MYO18B: variants seen among roughly 807,000 people sequenced by gnomAD.
MYO18B encodes the protein unconventional myosin-XVIIIb.
In MYO18B, 204 loss-of-function variants were observed where a neutral mutation model predicts 273.0. That is an observed-to-expected ratio of 0.75 (90% CI 0.67 to 0.84). The LOEUF (loss-of-function observed/expected upper bound fraction) is 0.84, where lower values mean the gene tolerates loss of function less well. Ranked by LOEUF, MYO18B falls within the 40% of genes least tolerant of loss-of-function variation. The pLI, the probability that MYO18B is intolerant of heterozygous loss-of-function variation, is 0.00. For synonymous variants in MYO18B, 1,330 were observed against 1,305.7 expected (o/e 1.02, Z -0.40); for missense variants, 3,212 against 3,287.6 (o/e 0.98, Z 0.56).
In MYO18B at chr22:25,758,296, G is replaced by A. The variant is rs185421674; in HGVS notation, c.-109-2688G>A. 3.0e-3 allele frequency among the ~76,000 whole-genome samples: 444 copies of A among 150,176 alleles called. 2 individuals are homozygous for A. The highest frequency in any genetic ancestry group is 0.028 in the Middle Eastern group (8 of 284). Reference sequence around the variant, plus strand: ...CAAAAGGTTGGGATTACAGATGTGAGCCACCACAACTGGCAGGAAAGTTTT... The same window carrying A: ...CAAAAGGTTGGGATTACAGATGTGAACCACCACAACTGGCAGGAAAGTTTT... On this transcript the variant is annotated intron_variant, in intron 1 of 43. Coordinates refer to ENST00000335473, the MANE Select transcript of MYO18B (RefSeq NM_032608.7).
In MYO18B at chr22:25,768,342, C is replaced by G; in HGVS notation, c.426C>G (p.Val142=). The G allele has an allele frequency of 6.2e-7, 1 of 1,613,688 alleles. No individual in the cohort carries two copies. Among genetic ancestry groups the G allele is most frequent in the Non-Finnish European group, 8.5e-7 (1 of 1,179,748 alleles). ...GTGCGACACCAACCAAAAAGACTGT[C>G]CCCTTCAAGAGGGGCGTGAGGAGGG... The part of the protein sequence containing the change: ...GSSATPTKKT[V]PFKRGVRRGD... Residue 142 remains valine, a synonymous_variant, in exon 4 of 44, where the codon GTC becomes GTG. Coordinates refer to ENST00000335473, the MANE Select transcript of MYO18B (RefSeq NM_032608.7).
intron 40 of MYO18B, among the ~76,000 whole-genome samples, chr22:25,997,305 C>A (rs4049335): frequency 0.7 from 9,667 of 13,752 alleles, 3,213 homozygotes; most frequent in East Asian, 0.93. Context: ...ACTCTGTCGC[C>A]AAAAAAAAAA....
Position 25,772,476 on chromosome 22 carries a change from A to G in MYO18B, c.1835A>G (p.Gln612Arg). Reference protein sequence around the residue: ...TCTGPDLIVLQPRGPSVPSAG... With the variant: ...TCTGPDLIVLRPRGPSVPSAG... ...ACAGGGCCTGATCTGATTGTCCTCC[A>G]GCCCCGGGGGCCCTCGGTGCCTTCT... Residue 612 changes from glutamine (Q) to arginine (R), a missense_variant, in exon 7 of 44, where the codon CAG becomes CGG. Physicochemically the swap from Gln to Arg is conservative, Grantham distance 43. Transcript: ENST00000335473. 6.2e-7 allele frequency: 1 copy of G among 1,613,898 alleles called. No homozygotes were observed. The highest frequency in any genetic ancestry group is 8.5e-7 in the Non-Finnish European group (1 of 1,179,894).
chr22:25,797,151 C>T (rs1020367607), intron 11 of MYO18B, among the ~76,000 whole-genome samples: 45 of 152,246 alleles, frequency 3.0e-4, no homozygotes, highest in African/African-American at 9.4e-4. Flanking sequence ...CGCTTGAGCC[C>T]GGGGGCGCGG....
intron 39 of MYO18B, among the ~76,000 whole-genome samples, chr22:25,979,402 T>C (rs891964669): frequency 3.9e-5 from 6 of 152,158 alleles, no homozygotes; most frequent in Admixed American, 2.6e-4. Context: ...ATATGTCATA[T>C]TTGTGTTTGA....
the MYO18B span, among the ~76,000 whole-genome samples, chr22:26,046,592 C>G: frequency 6.6e-6 from 1 of 152,206 alleles, no homozygotes; most frequent in Non-Finnish European, 1.5e-5. Context: ...AGAGCACCAG[C>G]ATTTCTTGCT....
intron 42 of MYO18B, among the ~76,000 whole-genome samples, chr22:26,007,777 G>A (rs1424625934): frequency 6.6e-6 from 1 of 152,166 alleles, no homozygotes. Context: ...AACTGACACA[G>A]AGTACAGGTG....
chr22:26,045,219 T>C, the MYO18B span, among the ~76,000 whole-genome samples: 2 of 152,056 alleles, frequency 1.3e-5, no homozygotes, highest in African/African-American at 4.8e-5. Flanking sequence ...TGCTGGTTCA[T>C]GGGAGTCACC....
downstream of MYO18B, among the ~76,000 whole-genome samples, chr22:26,034,697 GCTT>G (rs1442262177): frequency 6.6e-6 from 1 of 152,164 alleles, no homozygotes; most frequent in Non-Finnish European, 1.5e-5. Flanking sequence ...GTTTCCTCTT[GCTT>G]TTATACCCTG....
intron 1 of MYO18B, among the ~76,000 whole-genome samples, chr22:25,745,163 G>A (rs1190604746): frequency 6.6e-6 from 1 of 152,124 alleles, no homozygotes; most frequent in African/African-American, 2.4e-5. Context: ...AGGCTGGTGT[G>A]CAGTGGCCCA....
At position 25,866,784 on chromosome 22, in the gene MYO18B, C is replaced by CAA. The variant is rs56260207; in HGVS notation, c.3886-1510_3886-1509dup. On this transcript the variant is annotated intron_variant, in intron 21 of 43. Coordinates refer to ENST00000335473, the MANE Select transcript of MYO18B (RefSeq NM_032608.7). ...CTGGTGACAGAGCGAGACTCCGTCT[C>CAA]AAAAAAAAAAAAAAAAAAAAAAAAA... is the stretch of plus-strand genomic sequence containing the variant. 1.8e-3 allele frequency among the ~76,000 whole-genome samples: 72 copies of CAA among 40,152 alleles called. 4 individuals carry two copies. The highest frequency in any genetic ancestry group is 2.7e-3 in the Non-Finnish European group (47 of 17,418). The allele number at this position is 40,152 out of a possible 152,430, so 26.3% of individuals were successfully genotyped here. A position where few individuals can be genotyped will look rare whatever the true frequency, so the allele number is the denominator to read the frequency against.
In MYO18B at chr22:25,811,087, C is replaced by T. The variant is rs1217098062; in HGVS notation, c.2522-12418C>T. 2.0e-5 allele frequency among the ~76,000 whole-genome samples: 3 copies of T among 149,146 alleles called. No homozygotes were observed. In the East Asian group the frequency reaches 6.0e-4, roughly 30 times the overall value. ...GGAGTGCAGTGGTGTGATCTCGGCT[C>T]ACTGCAACCTCTGCCTCCCGGGTTC... On this transcript the variant is annotated intron_variant, in intron 12 of 43. Coordinates refer to ENST00000335473, the MANE Select transcript of MYO18B (RefSeq NM_032608.7).
At chr22:25,799,014 T>A (rs968248214) in intron 12 of MYO18B, among the ~76,000 whole-genome samples, 4 of 152,126 alleles carry the variant, frequency 2.6e-5, no homozygotes, top group African/African-American at 9.7e-5. Context: ...GCCATCCCCC[T>A]AGTTCTTACC....
chr22:25,789,853 A>G (rs1820578666), intron 11 of MYO18B, among the ~76,000 whole-genome samples: 1 of 152,084 alleles, frequency 6.6e-6, no homozygotes, highest in Non-Finnish European at 1.5e-5. Context: ...AACAAACTGT[A>G]TATCATTAAA....
chr22:25,942,577 C>G (rs1035226818), intron 34 of MYO18B, among the ~76,000 whole-genome samples: 1 of 152,242 alleles, frequency 6.6e-6, no homozygotes, highest in Admixed American at 6.5e-5. Flanking sequence ...AGCAAGCAGG[C>G]TCTCCACAGA....
At chr22:25,749,051 C>T (rs556352936) in intron 1 of MYO18B, among the ~76,000 whole-genome samples, 2 of 152,330 alleles carry the variant, frequency 1.3e-5, no homozygotes, top group South Asian at 2.1e-4. Flanking sequence ...ACAATCAGAG[C>T]ACCCTTCTTC....
intron 39 of MYO18B, among the ~76,000 whole-genome samples, chr22:25,991,639 AC>A (rs1312278657): frequency 6.6e-6 from 1 of 152,214 alleles, no homozygotes; most frequent in African/African-American, 2.4e-5. Context: ...CGTCAGAGGC[AC>A]CGAGCTTGAG....
chr22:25,876,706 C>A lies in MYO18B; in HGVS notation c.4224+374C>A, dbSNP rs62224732. Reference sequence around the variant, plus strand: ...TTTTTCTTTCATTCTTCCCTGTCACCACCTATCTTTTATAACTGTTTCAAT... The same window carrying A: ...TTTTTCTTTCATTCTTCCCTGTCACAACCTATCTTTTATAACTGTTTCAAT... On this transcript the variant is annotated intron_variant, in intron 24 of 43. Transcript: ENST00000335473. 235 of 155,890 alleles carry A rather than the reference C, an allele frequency of 1.5e-3. 1 individual carries two copies. Among genetic ancestry groups the A allele is most frequent in the Non-Finnish European group, 2.5e-3 (175 of 70,728 alleles). 9.7% of individuals were successfully genotyped at this position (155,890 alleles called of 1,614,324 possible).
chr22:25,987,758 C>T (rs370128557), intron 39 of MYO18B, among the ~76,000 whole-genome samples: 5 of 151,550 alleles, frequency 3.3e-5, no homozygotes, highest in Non-Finnish European at 5.9e-5. Flanking sequence ...TAAATGTATG[C>T]GTGTATGCAT....
Sources: gnomAD v4.1 joint callset for allele counts (sites outside exome capture counted in the v4.1 genomes callset) on GRCh38, gnomAD v4.1.1 for gene constraint, MANE v1.5 for transcripts, NCBI Gene and HGNC (gene_info 2026-07-23, HGNC 2026-07-21) for gene names.